CNTNAP2: variants seen among roughly 807,000 people sequenced by gnomAD.
The protein encoded by CNTNAP2 is contactin-associated protein-like 2.
CNTNAP2 carries 98 observed loss-of-function variants against 155.2 expected under a neutral mutation model. The observed-to-expected ratio is 0.63, with a 90% CI of 0.54 to 0.75. The LOEUF (loss-of-function observed/expected upper bound fraction) is 0.75, where lower values mean the gene tolerates loss of function less well. Among genes scored for constraint, CNTNAP2 ranks in the 30% least tolerant of loss-of-function variants. The probability of loss-of-function intolerance (pLI) is 0.00; values close to 1 mark genes in which losing one functional copy is unlikely to be tolerated. For synonymous variants in CNTNAP2, 651 were observed against 631.2 expected (o/e 1.03, Z -0.47); for missense variants, 1,727 against 1,688.1 (o/e 1.02, Z -0.40).
intron 10 of CNTNAP2, among the ~76,000 whole-genome samples, chr7:147,431,605 A>G (rs1327021859): frequency 6.6e-6 from 1 of 152,134 alleles, no homozygotes; most frequent in East Asian, 1.9e-4. Flanking sequence ...TCACTCAACC[A>G]AGACAGCCCT....
At chr7:146,483,732 A>G (rs1797014412) in intron 1 of CNTNAP2, among the ~76,000 whole-genome samples, 2 of 152,136 alleles carry the variant, frequency 1.3e-5, no homozygotes, top group South Asian at 4.1e-4. Context: ...ATAGGGATAT[A>G]AAGAAAATAT....
chr7:146,193,289 G>A (rs1352018327), intron 1 of CNTNAP2, among the ~76,000 whole-genome samples: 4 of 152,164 alleles, frequency 2.6e-5, no homozygotes. Context: ...CTGTGTGGGG[G>A]CTCCAACCCC....
At chr7:148,178,346 T>C (rs2972121) in intron 18 of CNTNAP2, among the ~76,000 whole-genome samples, 1 of 152,008 alleles carries the variant, frequency 6.6e-6, no homozygotes, top group East Asian at 1.9e-4. Context: ...AACATTCATT[T>C]GTTTATTGCT....
chr7:146,810,320 A>T, intron 2 of CNTNAP2, among the ~76,000 whole-genome samples: 9 of 125,980 alleles, frequency 7.1e-5, no homozygotes, highest in African/African-American at 9.3e-5. Context: ...TTTTTTCAAG[A>T]TTGCTTTGGT....
chr7:146,313,917 T>C (rs879484402), intron 1 of CNTNAP2, among the ~76,000 whole-genome samples: 1 of 152,134 alleles, frequency 6.6e-6, no homozygotes, highest in African/African-American at 2.4e-5. Flanking sequence ...GGGAATCTCT[T>C]GAACCCGTGA....
At chr7:147,592,659 T>C (rs1367426262) in intron 12 of CNTNAP2, among the ~76,000 whole-genome samples, 1 of 152,148 alleles carries the variant, frequency 6.6e-6, no homozygotes, top group African/African-American at 2.4e-5. Context: ...GTTTAGAAAA[T>C]ATAAAATGAT....
At chr7:146,525,410 T>C (rs140310686) in intron 1 of CNTNAP2, among the ~76,000 whole-genome samples, 3 of 152,290 alleles carry the variant, frequency 2.0e-5, no homozygotes, top group African/African-American at 7.2e-5. Context: ...TAATTCAACA[T>C]GACTTTGCAT....
chr7:147,182,897 T>C (rs918434336), intron 8 of CNTNAP2, among the ~76,000 whole-genome samples: 2 of 152,154 alleles, frequency 1.3e-5, no homozygotes, highest in African/African-American at 4.8e-5. Context: ...TTAGAAATAC[T>C]TATATTATTC....
At chr7:147,245,630 A>C (rs1171761563) in intron 8 of CNTNAP2, among the ~76,000 whole-genome samples, 1 of 151,936 alleles carries the variant, frequency 6.6e-6, no homozygotes, top group Non-Finnish European at 1.5e-5. Flanking sequence ...TCAGGAGTTC[A>C]AGACCAGCCT....
intron 3 of CNTNAP2, among the ~76,000 whole-genome samples, chr7:146,921,901 G>A (rs1310026511): frequency 6.6e-6 from 1 of 152,104 alleles, no homozygotes; most frequent in Non-Finnish European, 1.5e-5. Context: ...GGTCATTCTA[G>A]GTCCTAGACA....
intron 16 of CNTNAP2, among the ~76,000 whole-genome samples, chr7:148,119,545 A>C (rs927441271): frequency 3.3e-5 from 5 of 152,110 alleles, no homozygotes; most frequent in African/African-American, 1.2e-4. Context: ...CAGAAAAAAA[A>C]GTCTCCCTTT....
intron 13 of CNTNAP2, among the ~76,000 whole-genome samples, chr7:147,848,206 C>T (rs1452412415): frequency 2.8e-5 from 4 of 144,004 alleles, no homozygotes; most frequent in Non-Finnish European, 4.6e-5. Context: ...CTCGTTGCCG[C>T]CTTGCAGTTT....
chr7:147,061,257 G>A (rs959272704), intron 4 of CNTNAP2, among the ~76,000 whole-genome samples: 15 of 152,110 alleles, frequency 9.9e-5, no homozygotes, highest in African/African-American at 3.4e-4. Flanking sequence ...TGTTAAGAGA[G>A]TAGATCTCAT....
intron 15 of CNTNAP2, among the ~76,000 whole-genome samples, chr7:148,008,272 T>G (rs1355475820): frequency 6.6e-6 from 1 of 151,948 alleles, no homozygotes; most frequent in Non-Finnish European, 1.5e-5. Context: ...CTCGGGAAGC[T>G]GAGGCAGGAG....
At chr7:147,102,088 T>C (rs754162247) in intron 4 of CNTNAP2, among the ~76,000 whole-genome samples, 3 of 152,020 alleles carry the variant, frequency 2.0e-5, no homozygotes, top group Admixed American at 6.6e-5. Context: ...GAGGTAATGG[T>C]AGGCTCATGA....
chr7:148,039,799 G>A (rs1259693601), intron 15 of CNTNAP2, among the ~76,000 whole-genome samples: 3 of 152,150 alleles, frequency 2.0e-5, no homozygotes, highest in Non-Finnish European at 4.4e-5. Context: ...TCATCTAAGA[G>A]TTTCAGAGAT....
intron 1 of CNTNAP2, among the ~76,000 whole-genome samples, chr7:146,222,658 ATTTT>A (rs11461655): frequency 7.2e-6 from 1 of 138,806 alleles, no homozygotes; most frequent in Non-Finnish European, 1.5e-5. Context: ...GAAAAGGTAA[ATTTT>A]TTTTTTTTTT....
At chr7:146,313,182 C>T (rs1584863883) in intron 1 of CNTNAP2, among the ~76,000 whole-genome samples, 1 of 152,172 alleles carries the variant, frequency 6.6e-6, no homozygotes, top group African/African-American at 2.4e-5. Flanking sequence ...CAACAATGTA[C>T]AAGGGTTACC....
intron 13 of CNTNAP2, among the ~76,000 whole-genome samples, chr7:147,827,239 G>A (rs1798467401): frequency 6.6e-6 from 1 of 152,052 alleles, no homozygotes; most frequent in African/African-American, 2.4e-5. Context: ...TAGGCCAAAA[G>A]TTTTCTCTGT....
Sources: gnomAD v4.1 joint callset for allele counts (sites outside exome capture counted in the v4.1 genomes callset) on GRCh38, gnomAD v4.1.1 for gene constraint, MANE v1.5 for transcripts, NCBI Gene and HGNC (gene_info 2026-07-23, HGNC 2026-07-21) for gene names.